The following TLN2 variants were observed in gnomAD, a reference collection of about 807,000 sequenced individuals.
TLN2 encodes the protein talin 2.
Under a neutral mutation model 294.7 loss-of-function variants are expected in TLN2, and 118 were observed. That is an observed-to-expected ratio of 0.40 (90% CI 0.34 to 0.47). The LOEUF (loss-of-function observed/expected upper bound fraction) is 0.47, where lower values mean the gene tolerates loss of function less well. Among genes scored for constraint, TLN2 ranks in the 20% least tolerant of loss-of-function variants. The pLI is 0.84. For missense variants in TLN2, 3,083 were observed against 3,282.2 expected, an observed-to-expected ratio of 0.94 and a Z score of 1.48; for synonymous variants, 1,431 against 1,304.5, an observed-to-expected ratio of 1.10 and a Z score of -2.09.
intron 1 of TLN2, among the ~76,000 whole-genome samples, chr15:62,574,112 G>A (rs1034792002): frequency 6.6e-6 from 1 of 151,956 alleles, no homozygotes; most frequent in Non-Finnish European, 1.5e-5. Flanking sequence ...CAACTCCTCG[G>A]TATTTTAGGT....
chr15:62,594,031 C>T (rs932770445), intron 2 of TLN2, among the ~76,000 whole-genome samples: 2 of 152,168 alleles, frequency 1.3e-5, no homozygotes, highest in African/African-American at 4.8e-5. Flanking sequence ...CCAAAGCAAT[C>T]TAGAGCAAAA....
intron 1 of TLN2, among the ~76,000 whole-genome samples, chr15:62,565,342 T>C (rs1241699380): frequency 6.6e-6 from 1 of 152,212 alleles, no homozygotes; most frequent in African/African-American, 2.4e-5. Flanking sequence ...CATTAAAGTA[T>C]ATACATAATA....
At position 62,771,106 on chromosome 15, in the gene TLN2, C is replaced by A. The variant is rs1472174706; in HGVS notation, c.5339C>A (p.Ala1780Glu). ...GAGTCTGCCTTGCAGATGTTGTATG[C>A]AGCCAAAGAAGGTGGCGGAAACCCC... ...LAESALQMLY[A>E]AKEGGGNPKA... Residue 1780 changes from alanine (A) to glutamate (E), a missense_variant, in exon 42 of 59, where the codon GCA (alanine) becomes GAA (glutamate). Coordinates refer to ENST00000636159, the MANE Select transcript of TLN2 (RefSeq NM_015059.3). The A allele has an allele frequency of 2.5e-6, 4 of 1,611,444 alleles. No individual in the cohort carries two copies. In the African/African-American group the frequency reaches 5.3e-5, roughly 22 times the overall value.
intron 52 of TLN2, among the ~76,000 whole-genome samples, chr15:62,815,996 C>T (rs548610819): frequency 6.6e-6 from 1 of 152,312 alleles, no homozygotes; most frequent in African/African-American, 2.4e-5. Flanking sequence ...TTGCCTTCTG[C>T]AACCGTCATC....
chr15:62,504,862 A>T (rs2039515090), intron 1 of TLN2, among the ~76,000 whole-genome samples: 1 of 150,680 alleles, frequency 6.6e-6, no homozygotes, highest in East Asian at 2.1e-4. Context: ...AGAGAGAGAG[A>T]GAGAGAGAGG....
intron 1 of TLN2, among the ~76,000 whole-genome samples, chr15:62,533,207 T>C (rs2041146634): frequency 6.8e-6 from 1 of 146,190 alleles, no homozygotes. Flanking sequence ...TGAGCCGAGA[T>C]TGTACCATTG....
intron 19 of TLN2, among the ~76,000 whole-genome samples, chr15:62,703,619 ACAC>A (rs2058858915): frequency 9.4e-6 from 1 of 106,890 alleles, no homozygotes; most frequent in African/African-American, 3.4e-5. Context: ...ACACACACAC[ACAC>A]GCGCGCACAC....
rs779753651 is a variant in TLN2 at position 62,665,093 on chromosome 15, G to A, written c.788+7195G>A. Among the ~76,000 whole-genome samples, 5 of 151,922 alleles carry A rather than the reference G, an allele frequency of 3.3e-5. No individual in the cohort carries two copies. In the East Asian group the frequency reaches 7.7e-4, roughly 23 times the overall value. On this transcript the variant is annotated intron_variant, in intron 9 of 58. Transcript: ENST00000636159. The stretch of plus-strand genomic sequence containing the variant: ...TTTTTGTTGTTGTTGTTGTTGTTGA[G>A]ACAAGGTGTCACTCTGTCACCCAGG...
chr15:62,446,211 G>C (rs985080439), intron 1 of TLN2, among the ~76,000 whole-genome samples: 1 of 151,886 alleles, frequency 6.6e-6, no homozygotes, highest in African/African-American at 2.4e-5. Context: ...TGTTAGCCAG[G>C]ATGGTCTGGA....
chr15:62,781,406 C>T (rs1015142015), intron 44 of TLN2, among the ~76,000 whole-genome samples, 165 bp downstream of exon 44: 4 of 152,178 alleles, frequency 2.6e-5, no homozygotes, highest in African/African-American at 9.7e-5. Flanking sequence ...TTCTGGCTGC[C>T]TGTGTCCAGT....
At chr15:62,560,780 A>T (rs2042895884) in intron 1 of TLN2, among the ~76,000 whole-genome samples, 1 of 152,214 alleles carries the variant, frequency 6.6e-6, no homozygotes, top group African/African-American at 2.4e-5. Context: ...GAATTGCATA[A>T]TGAAGGCTGT....
intron 1 of TLN2, among the ~76,000 whole-genome samples, chr15:62,485,249 A>G (rs543066927): frequency 9.2e-5 from 14 of 152,330 alleles, no homozygotes; most frequent in Non-Finnish European, 1.9e-4. Flanking sequence ...CCATTTTGCC[A>G]TGTAAGATAA....
chr15:62,803,792 C>G (rs2066088778), intron 50 of TLN2, among the ~76,000 whole-genome samples: 1 of 152,154 alleles, frequency 6.6e-6, no homozygotes, highest in African/African-American at 2.4e-5. Flanking sequence ...CAGGATTAGT[C>G]CCTGGTAACT....
intron 20 of TLN2, 119 bp from the exon 21 acceptor site, chr15:62,708,383 T>A (rs2059203594): frequency 1.0e-6 from 1 of 986,254 alleles, no homozygotes; most frequent in African/African-American, 1.6e-5. Flanking sequence ...CGAGCAGTGG[T>A]CCTGTAAGTA....
intron 1 of TLN2, among the ~76,000 whole-genome samples, chr15:62,547,577 A>T (rs1030516814): frequency 6.6e-6 from 1 of 152,254 alleles, no homozygotes; most frequent in African/African-American, 2.4e-5. Flanking sequence ...GAAAGGGGAT[A>T]TAAAAGACTT....
chr15:62,734,025 T>C (rs1348935217), intron 28 of TLN2: 1 of 152,220 alleles, frequency 6.6e-6, no homozygotes, highest in Non-Finnish European at 1.5e-5. Context: ...TTTGATGGTA[T>C]GGGCTTCCTG....
chr15:62,713,271 C>CAAAAAAAAAAAAAAAAAAAA (rs541064329), intron 22 of TLN2, among the ~76,000 whole-genome samples: 2 of 111,522 alleles, frequency 1.8e-5, no homozygotes, highest in Non-Finnish European at 3.5e-5. Flanking sequence ...ACCTGCGTCT[C>CAAAAAAAAAAAAAAAAAAAA]AAAAAAAAAA....
rs1567686202 is a variant in TLN2 at position 62,825,757 on chromosome 15, T to A, written c.7002+5147T>A. Among the ~76,000 whole-genome samples the A allele has an allele frequency of 2.3e-3, 223 of 97,266 alleles. 10 individuals carry two copies. The highest frequency in any genetic ancestry group is 0.01 in the African/African-American group (214 of 20,560). The allele number at this position is 97,266 out of a possible 152,430, so 63.8% of individuals were successfully genotyped here. On this transcript the variant is annotated intron_variant, in intron 54 of 58. Transcript: ENST00000636159. ...ATATTTTTATATATATTAAATATAA[T>A]TATAATTATATATTATATAATATAT... is the stretch of plus-strand genomic sequence containing the variant.
chr15:62,439,097 A>G (rs995660624), intron 1 of TLN2, among the ~76,000 whole-genome samples: 1 of 152,220 alleles, frequency 6.6e-6, no homozygotes, highest in African/African-American at 2.4e-5. Flanking sequence ...TATAATTAGG[A>G]TCAAGGATAA....
Sources: gnomAD v4.1 joint callset for allele counts (sites outside exome capture counted in the v4.1 genomes callset) on GRCh38, gnomAD v4.1.1 for gene constraint, MANE v1.5 for transcripts, NCBI Gene and HGNC (gene_info 2026-07-23, HGNC 2026-07-21) for gene names.